DMXL1: variants seen among roughly 807,000 people sequenced by gnomAD.
The protein encoded by DMXL1 is dmX-like protein 1.
DMXL1 carries 99 observed loss-of-function variants against 319.2 expected under a neutral mutation model. The observed-to-expected ratio is 0.31, with a 90% CI of 0.26 to 0.37. DMXL1 has a LOEUF of 0.37. Ranked by LOEUF, DMXL1 falls within the 10% of genes least tolerant of loss-of-function variation. The probability of loss-of-function intolerance (pLI) is 1.00; values close to 1 mark genes in which losing one functional copy is unlikely to be tolerated. For missense variants in DMXL1, 3,745 were observed against 3,595.6 expected, an observed-to-expected ratio of 1.04 and a Z score of -1.06; for synonymous variants, 1,385 against 1,235.2, an observed-to-expected ratio of 1.12 and a Z score of -2.54.
At chr5:119,168,331 G>T (rs1319160697) in intron 23 of DMXL1, among the ~76,000 whole-genome samples, 1 of 152,128 alleles carries the variant, frequency 6.6e-6, no homozygotes, top group Non-Finnish European at 1.5e-5. Context: ...TTTTGAGTCT[G>T]CTAGTACCTT....
intron 6 of DMXL1, 80 bp from the exon 7 acceptor site, chr5:119,116,078 G>A (rs1173326120): frequency 2.2e-6 from 3 of 1,368,896 alleles, no homozygotes; most frequent in Admixed American, 2.5e-5. Flanking sequence ...CCATTGGGGA[G>A]AAAATTCTTA....
rs1292615653 is a variant in DMXL1, at chr5:119,071,288, G to C, written c.-282G>C. 4.6e-6 allele frequency: 2 copies of C among 438,806 alleles called. No individual in the cohort carries two copies. The highest frequency in any genetic ancestry group is 4.4e-5 in the Admixed American group (1 of 22,962). 27.2% of individuals were successfully genotyped at this position (438,806 alleles called of 1,614,324 possible). ...TCGGCCCCGGGTCGTGGCCGGTGAG[G>C]GGACCCTGAGCTTCACCTGGGCTAG... On this transcript the variant is annotated 5_prime_UTR_variant, in exon 1 of 44. Transcript: ENST00000539542.
intron 19 of DMXL1, among the ~76,000 whole-genome samples, chr5:119,152,898 TC>T (rs1770139826): frequency 1.3e-5 from 2 of 152,208 alleles, no homozygotes; most frequent in African/African-American, 4.8e-5. Context: ...TTTGTTTCTC[TC>T]ACTATTTTCT....
intron 39 of DMXL1, 143 bp downstream of exon 39, chr5:119,233,610 G>C: frequency 1.7e-6 from 1 of 584,676 alleles, no homozygotes; most frequent in South Asian, 2.6e-5. Flanking sequence ...TCTTCTCAAA[G>C]AACACTTAAC....
intron 5 of DMXL1, among the ~76,000 whole-genome samples, chr5:119,110,834 A>G (rs1759418604): frequency 6.6e-6 from 1 of 152,200 alleles, no homozygotes; most frequent in African/African-American, 2.4e-5. Flanking sequence ...ATCCAGGATT[A>G]GACTCTGGAG....
intron 13 of DMXL1, among the ~76,000 whole-genome samples, chr5:119,142,774 A>G (rs573365314): frequency 7.2e-5 from 11 of 152,260 alleles, no homozygotes; most frequent in African/African-American, 2.4e-4. Flanking sequence ...TAGCAAAGAC[A>G]TAGAATCAAC....
Position 119,110,400 on chromosome 5 carries a change from A to G in DMXL1, c.497+117A>G, listed in dbSNP as rs763734872. ...CATAAAAAGTATTGATTTTTAGTCT[A>G]TGATATGCTTTTTCTTATACACAGA... is the stretch of plus-strand genomic sequence containing the variant. On this transcript the variant is annotated intron_variant, in intron 5 of 43. Transcript: ENST00000539542. The G allele has an allele frequency of 2.3e-4, 212 of 927,582 alleles. 1 individual carries two copies. The highest frequency in any genetic ancestry group is 3.2e-4 in the Middle Eastern group (1 of 3,170). 57.5% of individuals were successfully genotyped at this position (927,582 alleles called of 1,614,324 possible). A position where few individuals can be genotyped will look rare whatever the true frequency, so the allele number is the denominator to read the frequency against.
chr5:119,211,642 G>A (rs1561885082), intron 34 of DMXL1, among the ~76,000 whole-genome samples: 1 of 152,160 alleles, frequency 6.6e-6, no homozygotes, highest in Non-Finnish European at 1.5e-5. Context: ...ACCATTTTAT[G>A]TTCACCTGAT....
chr5:119,115,342 C>T (rs1167033712), intron 6 of DMXL1, among the ~76,000 whole-genome samples: 1 of 152,152 alleles, frequency 6.6e-6, no homozygotes, highest in Non-Finnish European at 1.5e-5. Flanking sequence ...TAGAAAGATA[C>T]TAGTAACCAT....
chr5:119,120,439 A>G lies in DMXL1; in HGVS notation c.934-532A>G, dbSNP rs547444459. The stretch of plus-strand genomic sequence containing the variant: ...TCTTAGCTAGATGATCTTGGGTTCT[A>G]TATAGACCATTTTATCATATGAAAG... On this transcript the variant is annotated intron_variant, in intron 8 of 43. Transcript: ENST00000539542. Among the ~76,000 whole-genome samples the G allele has an allele frequency of 4.6e-5, 7 of 152,318 alleles. No individual in the cohort carries two copies. The South Asian group carries it at 1.2e-3, about 27-fold the overall frequency.
chr5:119,196,510 C>CTGT, intron 31 of DMXL1, 54 bp downstream of exon 31: 1 of 911,166 alleles, frequency 1.1e-6, no homozygotes, highest in Non-Finnish European at 1.6e-6. Flanking sequence ...ACTTACTACT[C>CTGT]TGTTGTTTTT....
chr5:119,101,339 C>T (rs1306354133), intron 2 of DMXL1, among the ~76,000 whole-genome samples: 3 of 152,294 alleles, frequency 2.0e-5, no homozygotes, highest in African/African-American at 7.2e-5. Flanking sequence ...TTCATTTAAT[C>T]TCTCTCTCTG....
intron 33 of DMXL1, among the ~76,000 whole-genome samples, chr5:119,205,402 G>C (rs1781570763): frequency 6.6e-6 from 1 of 152,002 alleles, no homozygotes; most frequent in Non-Finnish European, 1.5e-5. Flanking sequence ...TTATTCTTTG[G>C]AGTTTCATGA....
At chr5:119,128,845 C>T (rs975192773) in intron 9 of DMXL1, among the ~76,000 whole-genome samples, 1 of 152,058 alleles carries the variant, frequency 6.6e-6, no homozygotes, top group East Asian at 1.9e-4. Context: ...GCAGGTAGAT[C>T]ACGAGGTTGG....
At chr5:119,227,569 C>G (rs908632856) in intron 38 of DMXL1, among the ~76,000 whole-genome samples, 1 of 151,902 alleles carries the variant, frequency 6.6e-6, no homozygotes, top group Non-Finnish European at 1.5e-5. Context: ...GTAAGGCAAC[C>G]ATGTAAGGGA....
rs770704668 is a variant in DMXL1 at position 119,147,407 on chromosome 5, G to C, written c.2848G>C (p.Val950Leu). The C allele has an allele frequency of 6.2e-7, 1 of 1,613,500 alleles. No homozygotes were observed. The highest frequency in any genetic ancestry group is 2.2e-5 in the East Asian group (1 of 44,836). The change falls in exon 17 of 44, where the codon GTT becomes CTT. Residue 950 changes from valine (V) to leucine (L), a missense_variant. Coordinates refer to ENST00000539542, the MANE Select transcript of DMXL1 (RefSeq NM_001290321.3). ...CAGGTTGACTCTGTTTTCAGAAATG[G>C]TTTATAGCCAAGAATTGCATTTACC... ...TSRLTLFSEM[V>L]YSQELHLPEG...
At chr5:119,183,783 T>C (rs1360766520) in intron 28 of DMXL1, among the ~76,000 whole-genome samples, 1 of 152,116 alleles carries the variant, frequency 6.6e-6, no homozygotes, top group African/African-American at 2.4e-5. Context: ...GTTAGACTTT[T>C]CATTGAAGAC....
chr5:119,149,245 G>A lies in DMXL1; in HGVS notation c.3418G>A (p.Val1140Ile), dbSNP rs1168814086. ...ENITSNTKHL[V>I]HLDWMSREDG... ...TATCACATCAAACACAAAGCATTTA[G>A]TTCACTTAGATTGGATGTCTAGAGA... Residue 1140 changes from valine (V) to isoleucine (I), a missense_variant, in exon 18 of 44, where the codon GTT becomes ATT. Coordinates refer to ENST00000539542, the MANE Select transcript of DMXL1 (RefSeq NM_001290321.3). The A allele has an allele frequency of 2.5e-6, 4 of 1,613,802 alleles. No individual in the cohort carries two copies. The highest frequency in any genetic ancestry group is 2.5e-6 in the Non-Finnish European group (3 of 1,179,888).
chr5:119,178,528 G>T, intron 28 of DMXL1: 2 of 803,796 alleles, frequency 2.5e-6, no homozygotes, highest in Non-Finnish European at 3.0e-6. Context: ...TGTAATATTG[G>T]TTTTTGTTCT....
Sources: gnomAD v4.1 joint callset for allele counts (sites outside exome capture counted in the v4.1 genomes callset) on GRCh38, gnomAD v4.1.1 for gene constraint, MANE v1.5 for transcripts, NCBI Gene and HGNC (gene_info 2026-07-23, HGNC 2026-07-21) for gene names.